Variants in ANKRD11 observed in about 807,000 individuals in gnomAD.
ANKRD11 encodes the protein ankyrin repeat domain 11.
A neutral mutation model predicts 195.7 loss-of-function variants in ANKRD11; 17 were observed. That is an observed-to-expected ratio of 0.09 (90% confidence interval 0.06 to 0.13). The LOEUF (loss-of-function observed/expected upper bound fraction) is 0.13. ANKRD11 is among the 10% of genes least tolerant of loss of function. ANKRD11 has a pLI of 1.00. For missense variants in ANKRD11, 3,735 were observed against 3,566.1 expected, an observed-to-expected ratio of 1.05 and a Z score of -1.21; for synonymous variants, 1,953 against 1,528.1, an observed-to-expected ratio of 1.28 and a Z score of -6.49.
Position 89,271,215 on chromosome 16 carries a change from C to T in ANKRD11, c.7714-306G>A, listed in dbSNP as rs115294486. 2.4e-3 allele frequency: 1,101 copies of T among 465,028 alleles called. 8 individuals are homozygous for T. Among genetic ancestry groups the T allele is most frequent in the African/African-American group, 0.02 (1,007 of 50,246 alleles). 28.8% of individuals were successfully genotyped at this position (465,028 alleles called of 1,614,324 possible). On this transcript the variant is annotated intron_variant, in intron 11 of 12. Transcript: ENST00000301030. ...CCCCAGGGGACAGTCAGAGCTCAGCCCACTGCCAACTCCTGGGAGAGACTT... is the reference window on the plus strand; with the variant it reads ...CCCCAGGGGACAGTCAGAGCTCAGCTCACTGCCAACTCCTGGGAGAGACTT...
chr16:89,394,488 C>T (rs1188363424), intron 2 of ANKRD11, among the ~76,000 whole-genome samples: 2 of 152,042 alleles, frequency 1.3e-5, no homozygotes, highest in East Asian at 1.9e-4. Context: ...ATTAGCTGTG[C>T]GTGGTGGCAG....
At chr16:89,467,992 CG>C (rs1196166016) in intron 1 of ANKRD11, among the ~76,000 whole-genome samples, 2 of 151,924 alleles carry the variant, frequency 1.3e-5, no homozygotes, top group African/African-American at 4.8e-5. Context: ...TTAGTAGAGA[CG>C]GGGTTTGGTT....
At chr16:89,413,010 T>C (rs1273766375) in intron 2 of ANKRD11, among the ~76,000 whole-genome samples, 2 of 151,976 alleles carry the variant, frequency 1.3e-5, no homozygotes, top group Non-Finnish European at 2.9e-5. Flanking sequence ...GGAGCTCCAA[T>C]GTTCCAAACC....
intron 2 of ANKRD11, among the ~76,000 whole-genome samples, chr16:89,354,700 G>A (rs532540398): frequency 4.1e-4 from 63 of 152,288 alleles, no homozygotes; most frequent in South Asian, 1.9e-3. Flanking sequence ...TGGCTAACAC[G>A]GTGAAACCAC....
chr16:89,469,204 A>C (rs889773625), intron 1 of ANKRD11, among the ~76,000 whole-genome samples: 11 of 151,954 alleles, frequency 7.2e-5, no homozygotes, highest in African/African-American at 2.7e-4. Flanking sequence ...GAAAAAAAAG[A>C]AATAAGCCTG....
intron 1 of ANKRD11, among the ~76,000 whole-genome samples, chr16:89,433,752 G>A (rs1056179350): frequency 2.6e-5 from 4 of 151,524 alleles, no homozygotes; most frequent in Non-Finnish European, 5.9e-5. Context: ...GACGCAGCAG[G>A]GCTGGGCACG....
At chr16:89,439,649 C>T (rs183394447) in intron 1 of ANKRD11, among the ~76,000 whole-genome samples, 1 of 152,046 alleles carries the variant, frequency 6.6e-6, no homozygotes, top group Non-Finnish European at 1.5e-5. Context: ...CAAAGAAAAG[C>T]TTGTTCTATT....
intron 2 of ANKRD11, among the ~76,000 whole-genome samples, chr16:89,384,846 T>C (rs946650322): frequency 6.8e-6 from 1 of 146,352 alleles, no homozygotes; most frequent in African/African-American, 2.5e-5. Context: ...TGTAAGAACA[T>C]GTGTGTGGGA....
chr16:89,378,043 T>C (rs549637892), intron 2 of ANKRD11, among the ~76,000 whole-genome samples: 4 of 152,268 alleles, frequency 2.6e-5, no homozygotes, highest in African/African-American at 7.2e-5. Flanking sequence ...GAATACAGTA[T>C]ACAATACATA....
chr16:89,379,386 C>T (rs945844057), intron 2 of ANKRD11, among the ~76,000 whole-genome samples: 2 of 152,206 alleles, frequency 1.3e-5, no homozygotes, highest in African/African-American at 2.4e-5. Context: ...CATTATATGT[C>T]GAAAGCTGAC....
At chr16:89,269,993 T>G (rs930000302) in intron 12 of ANKRD11, 1 of 152,306 alleles carries the variant, frequency 6.6e-6, no homozygotes, top group African/African-American at 2.4e-5. Context: ...CGGCTCTGGT[T>G]AGGAAGGGCC....
intron 7 of ANKRD11, 159 bp from the exon 8 acceptor site, chr16:89,286,345 T>TGGCGAGGCTCTGGGTGTGGTG (rs2034643352): frequency 9.4e-7 from 1 of 1,064,302 alleles, no homozygotes; most frequent in Non-Finnish European, 1.4e-6. Context: ...AGGGACTGCC[T>TGGCGAGGCTCTGGGTGTGGTG]GGCGAGGCTC....
At chr16:89,318,090 C>CTAA (rs2037072438) in intron 2 of ANKRD11, among the ~76,000 whole-genome samples, 1 of 152,226 alleles carries the variant, frequency 6.6e-6, no homozygotes, top group Non-Finnish European at 1.5e-5. Context: ...CTTCCCCGAG[C>CTAA]CCCTGCTTCC....
chr16:89,305,293 C>T lies in ANKRD11; in HGVS notation c.139G>A (p.Gly47Ser). 1.9e-6 allele frequency: 3 copies of T among 1,614,002 alleles called. No individual in the cohort carries two copies. Among genetic ancestry groups the T allele is most frequent in the Non-Finnish European group, 2.5e-6 (3 of 1,179,918 alleles). The change falls in exon 4 of 13, where the codon GGC becomes AGC. Residue 47 changes from glycine (G) to serine (S), a missense_variant. Coordinates refer to ENST00000301030, the MANE Select transcript of ANKRD11 (RefSeq NM_013275.6). Reference protein sequence around the residue: ...TKTPKLERGDGGKEVRERASK... With the variant: ...TKTPKLERGDSGKEVRERASK... ...GCTCGCTCCCTCACCTCCTTCCCGC[C>T]ATCGCCACGCTCCAGTTTTGGGGTC... is the stretch of plus-strand genomic sequence containing the variant.
At chr16:89,428,263 C>T (rs559600770) in intron 1 of ANKRD11, among the ~76,000 whole-genome samples, 9 of 150,248 alleles carry the variant, frequency 6.0e-5, no homozygotes, top group Admixed American at 1.3e-4. Context: ...CGGTGGTTCA[C>T]GCCTATAATC....
At chr16:89,469,500 G>A (rs984578678) in intron 1 of ANKRD11, among the ~76,000 whole-genome samples, 2 of 152,044 alleles carry the variant, frequency 1.3e-5, no homozygotes, top group African/African-American at 4.8e-5. Context: ...TAGAATTACA[G>A]GCGTGAGCCA....
rs1183753068 is a variant in ANKRD11 at position 89,279,831 on chromosome 16, G to A, written c.6711C>T (p.Ser2237=). The A allele has an allele frequency of 1.0e-5, 16 of 1,546,750 alleles. No individual in the cohort carries two copies. Among genetic ancestry groups the A allele is most frequent in the Non-Finnish European group, 1.4e-5 (16 of 1,148,148 alleles). ...PEERARGDPD[S]SVEPAPVPPE... The stretch of plus-strand genomic sequence containing the variant: ...GGGGAACGGGCGCGGGCTCCACGCT[G>A]GAGTCCGGATCCCCACGGGCCCTCT... Residue 2237 remains serine, a synonymous_variant, in exon 9 of 13, where the codon TCC becomes TCT. Transcript: ENST00000301030. This position sits in a 1 kb window ranked among gnomAD's most constrained non-coding sequence, Gnocchi z 5.6.
chr16:89,285,093 G>C lies in ANKRD11; in HGVS notation c.1449C>G (p.Ser483Arg). Residue 483 changes from serine (S) to arginine (R), a missense_variant, in exon 9 of 13, where the codon AGC becomes AGG. Physicochemically the swap from Ser to Arg is moderately radical, Grantham distance 110. Transcript: ENST00000301030. The surrounding 1 kb of genome is among the most constrained non-coding windows in gnomAD (Gnocchi z 5.6). ...SDKFCSSESESESSESGEDDR... is the reference protein window; with the variant it reads ...SDKFCSSESERESSESGEDDR... ...CATCCTCCCCACTCTCTGAGGACTC[G>C]CTCTCCGACTCCGAGGAGCAGAACT... The C allele has an allele frequency of 6.2e-7, 1 of 1,613,736 alleles. No homozygotes were observed. The highest frequency in any genetic ancestry group is 8.5e-7 in the Non-Finnish European group (1 of 1,180,026).
chr16:89,424,793 G>T (rs1004770612), intron 1 of ANKRD11, among the ~76,000 whole-genome samples: 7 of 152,132 alleles, frequency 4.6e-5, no homozygotes. Flanking sequence ...CGATCCTTGC[G>T]ATTATGGAAC....
Sources: gnomAD v4.1 joint callset for allele counts (sites outside exome capture counted in the v4.1 genomes callset) on GRCh38, gnomAD v4.1.1 for gene constraint, Gnocchi (gnomAD v3.1) non-coding constraint, MANE v1.5 for transcripts, NCBI Gene and HGNC (gene_info 2026-07-23, HGNC 2026-07-21) for gene names.